The following CHCHD6 variants were observed in gnomAD, a reference collection of about 807,000 sequenced individuals.
CHCHD6 encodes MICOS complex subunit MIC25.
CHCHD6 carries 28 observed loss-of-function variants against 32.3 expected under a neutral mutation model. The observed-to-expected ratio is 0.87, with a 90% confidence interval of 0.64 to 1.19. The LOEUF (loss-of-function observed/expected upper bound fraction) is 1.19, where lower values mean the gene tolerates loss of function less well. Among genes scored for constraint, CHCHD6 ranks in the 50% most tolerant of loss-of-function variants. The pLI, the probability that CHCHD6 is intolerant of heterozygous loss-of-function variation, is 0.00. For missense variants in CHCHD6, 333 were observed against 307.0 expected (o/e 1.08, Z -0.63); for synonymous variants, 122 against 117.5 (o/e 1.04, Z -0.25).
intron 6 of CHCHD6, chr3:126,957,007 G>A (rs2078794511): frequency 4.7e-6 from 1 of 213,282 alleles, no homozygotes. Flanking sequence ...GCACAGTGGG[G>A]CGGGCTGTCT....
chr3:126,743,241 A>T (rs1936353223), intron 4 of CHCHD6, among the ~76,000 whole-genome samples: 1 of 152,168 alleles, frequency 6.6e-6, no homozygotes. Context: ...TTTTTTGAGT[A>T]GCAGGAGATG....
In CHCHD6 at chr3:126,766,142, T is replaced by TA. The variant is rs200861763; in HGVS notation, c.411+32929dup. On this transcript the variant is annotated intron_variant, in intron 4 of 7. Transcript: ENST00000290913. ...TCAGGAGAGGAAGAAAGAAAAAACT[T>TA]AAAAAAAAACCTAGATTGCTGAAAG... is the stretch of plus-strand genomic sequence containing the variant. 1.2e-3 allele frequency among the ~76,000 whole-genome samples: 182 copies of TA among 150,888 alleles called. 3 individuals carry two copies. In the East Asian group the frequency reaches 0.023, roughly 19 times the overall value.
intron 4 of CHCHD6, chr3:126,766,817 T>C (rs1362109234): frequency 2.0e-6 from 2 of 1,000,012 alleles, no homozygotes; most frequent in African/African-American, 3.2e-5. Context: ...AAGGAGCAGG[T>C]GTAACCAGTA....
chr3:126,940,554 A>T (rs890757040), intron 6 of CHCHD6, among the ~76,000 whole-genome samples: 6 of 152,156 alleles, frequency 3.9e-5, no homozygotes, highest in African/African-American at 1.4e-4. Context: ...ATTCTTCTAG[A>T]GGGAGTTTCT....
chr3:126,718,852 C>G (rs754336688), intron 1 of CHCHD6, among the ~76,000 whole-genome samples: 1 of 152,234 alleles, frequency 6.6e-6, no homozygotes, highest in Non-Finnish European at 1.5e-5. Context: ...TTTATTCTCA[C>G]ATGACTGCTG....
intron 2 of CHCHD6, among the ~76,000 whole-genome samples, chr3:126,728,023 C>T (rs1935617310): frequency 6.6e-6 from 1 of 151,522 alleles, no homozygotes; most frequent in Non-Finnish European, 1.5e-5. Flanking sequence ...ACGGAAGGAC[C>T]GACTGTTCAG....
intron 4 of CHCHD6, among the ~76,000 whole-genome samples, chr3:126,807,335 A>G (rs1939443677): frequency 6.6e-6 from 1 of 152,170 alleles, no homozygotes; most frequent in South Asian, 2.1e-4. Context: ...ATCCACAGAA[A>G]AGAGAAAATA....
rs2078144504 is a variant in CHCHD6, at chr3:126,914,712, A to G, written c.528A>G (p.Gln176=). 5 of 1,598,878 alleles carry G rather than the reference A, an allele frequency of 3.1e-6. No homozygotes were observed. The African/African-American group carries it at 4.0e-5, about 13-fold the overall frequency. The change falls in exon 6 of 8, where the codon CAA becomes CAG. Residue 176 remains glutamine (Q), a synonymous_variant. Transcript: ENST00000290913. ...NAEMYKLSSE[Q]FHEAASKMES... Reference sequence around the variant, plus strand: ...AGATGTATAAACTGTCTTCAGAGCAATTCCATGAGGCAGCCTCAAAGATGG... The same window carrying G: ...AGATGTATAAACTGTCTTCAGAGCAGTTCCATGAGGCAGCCTCAAAGATGG...
At chr3:126,859,505 T>C (rs1941780331) in intron 5 of CHCHD6, among the ~76,000 whole-genome samples, 1 of 152,194 alleles carries the variant, frequency 6.6e-6, no homozygotes, top group Admixed American at 6.5e-5. Context: ...CAGCTGATGA[T>C]TGAGAAGTAT....
At chr3:126,819,325 C>G (rs1940054565) in intron 4 of CHCHD6, among the ~76,000 whole-genome samples, 1 of 152,210 alleles carries the variant, frequency 6.6e-6, no homozygotes, top group Admixed American at 6.5e-5. Context: ...TGCTGGGCAG[C>G]TTGACCTTCC....
Position 126,852,095 on chromosome 3 carries a change from A to G in CHCHD6, c.412-552A>G, listed in dbSNP as rs968537530. ...ACTCTGTGCGTGTCTTCCTGCAGGCATGGATCCCTGCTCCTTCCAGCTCAG... is the reference window on the plus strand; with the variant it reads ...ACTCTGTGCGTGTCTTCCTGCAGGCGTGGATCCCTGCTCCTTCCAGCTCAG... On this transcript the variant is annotated intron_variant, in intron 4 of 7. Transcript: ENST00000290913. Among the ~76,000 whole-genome samples, 8 of 152,292 alleles carry G rather than the reference A, an allele frequency of 5.3e-5. No homozygotes were observed. In the East Asian group the frequency reaches 1.5e-3, roughly 29 times the overall value.
At chr3:126,878,838 A>G (rs554083861) in intron 5 of CHCHD6, among the ~76,000 whole-genome samples, 1 of 152,360 alleles carries the variant, frequency 6.6e-6, no homozygotes, top group African/African-American at 2.4e-5. Context: ...CACCTTTGAT[A>G]ATAGCATCAG....
At chr3:126,950,515 G>T (rs533706412) in intron 6 of CHCHD6, among the ~76,000 whole-genome samples, 6 of 152,164 alleles carry the variant, frequency 3.9e-5, no homozygotes, top group Non-Finnish European at 7.4e-5. Flanking sequence ...GCAGTGGCAC[G>T]CTCTCTGCTC....
chr3:126,854,168 A>G (rs1211343060), intron 5 of CHCHD6, among the ~76,000 whole-genome samples: 8 of 152,156 alleles, frequency 5.3e-5, no homozygotes, highest in Admixed American at 4.6e-4. Context: ...GCTAAAGGAG[A>G]GGAAATTCTG....
intron 4 of CHCHD6, among the ~76,000 whole-genome samples, chr3:126,818,272 A>G (rs1026126915): frequency 3.3e-5 from 5 of 152,072 alleles, no homozygotes; most frequent in African/African-American, 1.2e-4. Context: ...TTCTTCCTCC[A>G]TAAATATACT....
chr3:126,753,062 C>T (rs2107668814), intron 4 of CHCHD6, among the ~76,000 whole-genome samples: 1 of 152,246 alleles, frequency 6.6e-6, no homozygotes, highest in African/African-American at 2.4e-5. Flanking sequence ...TTGCACTAGT[C>T]CTTCTCTTGG....
chr3:126,844,010 G>A (rs933631372), intron 4 of CHCHD6, among the ~76,000 whole-genome samples: 2 of 152,138 alleles, frequency 1.3e-5, no homozygotes, highest in Non-Finnish European at 2.9e-5. Context: ...GGGTTATTTA[G>A]TAATATGCTT....
chr3:126,957,662 C>T (rs780398837), intron 7 of CHCHD6, 111 bp downstream of exon 7: 50 of 1,288,540 alleles, frequency 3.9e-5, no homozygotes, highest in Non-Finnish European at 5.0e-5. Flanking sequence ...ATCAGATGCT[C>T]CACTTGGAGG....
chr3:126,849,021 C>T (rs1006384788), intron 4 of CHCHD6, among the ~76,000 whole-genome samples: 2 of 152,248 alleles, frequency 1.3e-5, no homozygotes, highest in Admixed American at 1.3e-4. Context: ...CCACAGTGGT[C>T]CTGGTGATAT....
Sources: gnomAD v4.1 joint callset for allele counts (sites outside exome capture counted in the v4.1 genomes callset) on GRCh38, gnomAD v4.1.1 for gene constraint, MANE v1.5 for transcripts, NCBI Gene and HGNC (gene_info 2026-07-23, HGNC 2026-07-21) for gene names.